Variants in TSGA10IP observed in about 807,000 individuals in gnomAD.
TSGA10IP encodes the protein testis specific 10 interacting protein.
A neutral mutation model predicts 63.2 loss-of-function variants in TSGA10IP; 64 were observed. The ratio of observed to expected loss-of-function variants is 1.01; its 90% CI spans 0.83 to 1.25. The LOEUF is 1.25. TSGA10IP is among the 50% of genes most tolerant of loss of function. The pLI, the probability that TSGA10IP is intolerant of heterozygous loss-of-function variation, is 0.00. For synonymous variants in TSGA10IP, 316 were observed against 298.3 expected (o/e 1.06, Z -0.61); for missense variants, 681 against 710.1 (o/e 0.96, Z 0.47).
chr11:65,949,686 A>G (rs988985725), intron 4 of TSGA10IP, among the ~76,000 whole-genome samples: 1 of 151,772 alleles, frequency 6.6e-6, no homozygotes, highest in Non-Finnish European at 1.5e-5. Flanking sequence ...AAGTGCTGGG[A>G]TTATAGGCAT....
rs1367145394 is a variant in TSGA10IP at position 65,948,041 on chromosome 11, C to T, written c.1044C>T (p.Phe348=). ...CCTGGAAGACTTTGAGGGCTGCCTTCCAGGCCTCCAAGCGGAATGGAAAGG... is the reference window on the plus strand; with the variant it reads ...CCTGGAAGACTTTGAGGGCTGCCTTTCAGGCCTCCAAGCGGAATGGAAAGG... The change falls in exon 4 of 8, where the codon TTC becomes TTT. Residue 348 remains phenylalanine (F), a synonymous_variant. Transcript: ENST00000532620. 3 of 1,570,564 alleles carry T rather than the reference C, an allele frequency of 1.9e-6. No homozygotes were observed. In the Admixed American group the frequency reaches 5.7e-5, roughly 30 times the overall value.
chr11:65,945,719 T>C (rs1310028486), exon 1 of TSGA10IP: 1 of 1,613,558 alleles, frequency 6.2e-7, no homozygotes, highest in Non-Finnish European at 8.5e-7. Flanking sequence ...CAACAGTTGG[T>C]TAGGACCCCG....
chr11:65,958,859 C>A (rs1469731767), intron 5 of TSGA10IP, 24 bp from the exon 6 acceptor site: 3 of 1,601,416 alleles, frequency 1.9e-6, no homozygotes, highest in Non-Finnish European at 2.6e-6. Context: ...TGGTTAGCTG[C>A]ACAAAGGCCT....
intron 1 of TSGA10IP, among the ~76,000 whole-genome samples, chr11:65,946,655 G>A (rs569136953): frequency 1.3e-5 from 2 of 152,246 alleles, no homozygotes; most frequent in East Asian, 1.9e-4. Context: ...GGCTGGTCTC[G>A]AACTCCTGGC....
At position 65,952,268 on chromosome 11, in the gene TSGA10IP, T is replaced by C. The variant is rs1854956008; in HGVS notation, c.1152-1299T>C. ...TTTGCAAATATTTTCTCCCATTCTG[T>C]ATGTCATCTCTGTTGATTGTTGCCA... On this transcript the variant is annotated intron_variant, in intron 4 of 7. Coordinates refer to ENST00000532620, the Ensembl canonical transcript of TSGA10IP. Among the ~76,000 whole-genome samples, 4 of 152,252 alleles carry C rather than the reference T, an allele frequency of 2.6e-5. No homozygotes were observed. The South Asian group carries it at 8.3e-4, about 31-fold the overall frequency.
At chr11:65,946,917 A>T in exon 2 of TSGA10IP, 2 of 1,613,916 alleles carry the variant, frequency 1.2e-6, no homozygotes, top group Non-Finnish European at 1.7e-6. Context: ...CCAAATCAAG[A>T]CCTGCAGCAG....
intron 6 of TSGA10IP, 28 bp downstream of exon 6, chr11:65,959,010 A>G: frequency 6.2e-7 from 1 of 1,607,158 alleles, no homozygotes; most frequent in Non-Finnish European, 8.5e-7. Flanking sequence ...GCAAGCACAT[A>G]GCTGCCCCCT....
chr11:65,948,102 GC>G lies in TSGA10IP; in HGVS notation c.1107del (p.Asn370ThrfsTer71). ...GGGATACGATGAAACTTTCGTGTCT[GC>G]CAACCTCCCTAATCGCACCTTCCAC... is the stretch of plus-strand genomic sequence containing the variant. On this transcript the variant is annotated frameshift_variant, in exon 4 of 8. Transcript: ENST00000532620. LOFTEE classifies it high-confidence loss of function. The G allele has an allele frequency of 6.3e-7, 1 of 1,599,332 alleles. No homozygotes were observed. Among genetic ancestry groups the G allele is most frequent in the Non-Finnish European group, 8.5e-7 (1 of 1,173,146 alleles).
In TSGA10IP at chr11:65,945,977, C is replaced by T; in HGVS notation, c.147+155C>T. On this transcript the variant is annotated intron_variant, in intron 1 of 7. Coordinates refer to ENST00000532620, the Ensembl canonical transcript of TSGA10IP. ...AGTGGGACAGGGACCACAGGGAGGC[C>T]TAAGGGCCTTGGGAGAAGCCGAGGG... 1.1e-5 allele frequency: 10 copies of T among 893,910 alleles called. 2 individuals are homozygous for T. The South Asian group carries it at 1.7e-4, about 15-fold the overall frequency. The allele number at this position is 893,910 out of a possible 1,614,324, so 55.4% of individuals were successfully genotyped here. A position where few individuals can be genotyped will look rare whatever the true frequency, so the allele number is the denominator to read the frequency against.
In TSGA10IP at chr11:65,945,831, G is replaced by A. The variant is rs1430280442; in HGVS notation, c.147+9G>A. On this transcript the variant is annotated intron_variant, in intron 1 of 7. Coordinates refer to ENST00000532620, the Ensembl canonical transcript of TSGA10IP. Reference sequence around the variant, plus strand: ...TCTCTCAGGACAAGCAGGTGAGGGAGGCCCAGTGAGGACACTTCCAGCTGC... The same window carrying A: ...TCTCTCAGGACAAGCAGGTGAGGGAAGCCCAGTGAGGACACTTCCAGCTGC... The A allele has an allele frequency of 1.9e-6, 3 of 1,613,012 alleles. No homozygotes were observed. The highest frequency in any genetic ancestry group is 1.7e-6 in the Non-Finnish European group (2 of 1,179,318).
rs199754474 is a variant in TSGA10IP, at chr11:65,948,133, G to A, written c.1136G>A (p.Arg379Gln). 1.8e-5 allele frequency: 29 copies of A among 1,603,720 alleles called. No homozygotes were observed. Among genetic ancestry groups the A allele is most frequent in the South Asian group, 3.4e-5 (3 of 88,800 alleles). ...CTCCCTAATCGCACCTTCCACAAACGACAGGAAGCCACCAGGTAAGAGGGA... is the reference window on the plus strand; with the variant it reads ...CTCCCTAATCGCACCTTCCACAAACAACAGGAAGCCACCAGGTAAGAGGGA... The change falls in exon 4 of 8, where the codon CGA (arginine) becomes CAA (glutamine). Residue 379 changes from arginine (R) to glutamine (Q), a missense_variant. Coordinates refer to ENST00000532620, the Ensembl canonical transcript of TSGA10IP.
At position 65,950,248 on chromosome 11, in the gene TSGA10IP, T is replaced by C. The variant is rs531958181; in HGVS notation, c.1151+2100T>C. Among the ~76,000 whole-genome samples, 65 of 152,214 alleles carry C rather than the reference T, an allele frequency of 4.3e-4. 1 individual carries two copies. Among genetic ancestry groups the C allele is most frequent in the Admixed American group, 3.8e-3 (58 of 15,268 alleles). On this transcript the variant is annotated intron_variant, in intron 4 of 7. Coordinates refer to ENST00000532620, the Ensembl canonical transcript of TSGA10IP. ...ATTGCTTTTAACTACAGACACCAGA[T>C]CATACAATAGATCTCTTGAACTTAT...
intron 5 of TSGA10IP, 92 bp downstream of exon 5, chr11:65,953,829 C>T (rs1213582881): frequency 2.7e-6 from 3 of 1,124,670 alleles, no homozygotes; most frequent in African/African-American, 3.3e-5. Flanking sequence ...CACCAGCCCT[C>T]GCCTTCCCTG....
In TSGA10IP at chr11:65,945,953, G is replaced by A. The variant is rs577039582; in HGVS notation, c.147+131G>A. The A allele has an allele frequency of 1.5e-5, 17 of 1,153,296 alleles. No individual in the cohort carries two copies. The African/African-American group carries it at 2.6e-4, about 18-fold the overall frequency. 71.4% of individuals were successfully genotyped at this position (1,153,296 alleles called of 1,614,324 possible). A position where few individuals can be genotyped will look rare whatever the true frequency, so the allele number is the denominator to read the frequency against. ...CCAGATGAAACTCAGGGAGGCAGGA[G>A]TGGGACAGGGACCACAGGGAGGCCT... On this transcript the variant is annotated intron_variant, in intron 1 of 7. Coordinates refer to ENST00000532620, the Ensembl canonical transcript of TSGA10IP.
intron 5 of TSGA10IP, among the ~76,000 whole-genome samples, chr11:65,954,550 T>C (rs902478099): frequency 2.0e-5 from 3 of 151,970 alleles, no homozygotes; most frequent in Admixed American, 2.0e-4. Flanking sequence ...CAGGGAGTAT[T>C]GCTGCTGGTG....
chr11:65,950,560 ATT>A (rs35025045), intron 4 of TSGA10IP, among the ~76,000 whole-genome samples: 2,486 of 142,050 alleles, frequency 0.018, 95 homozygotes, highest in East Asian at 0.16. Context: ...TGCCTGGCTA[ATT>A]TTTTTTTTTT....
At chr11:65,948,513 TAA>T in intron 4 of TSGA10IP, among the ~76,000 whole-genome samples, 1 of 152,310 alleles carries the variant, frequency 6.6e-6, no homozygotes, top group South Asian at 2.1e-4. Flanking sequence ...ATATAACTAT[TAA>T]AAGACTTGGA....
chr11:65,951,853 CTT>C lies in TSGA10IP; in HGVS notation c.1152-1701_1152-1700del, dbSNP rs879819961. 3.5e-3 allele frequency among the ~76,000 whole-genome samples: 483 copies of C among 138,792 alleles called. 4 individuals carry two copies. Among genetic ancestry groups the C allele is most frequent in the African/African-American group, 0.011 (427 of 38,048 alleles). 91.1% of individuals were successfully genotyped at this position (138,792 alleles called of 152,430 possible). A position where few individuals can be genotyped will look rare whatever the true frequency, so the allele number is the denominator to read the frequency against. On this transcript the variant is annotated intron_variant, in intron 4 of 7. Transcript: ENST00000532620. The stretch of plus-strand genomic sequence containing the variant: ...GAGTCACCATGCCCTGACTCTTTGC[CTT>C]TTTTTTTTTTTTGAGATGGAGCCTC...
intron 3 of TSGA10IP, 51 bp downstream of exon 3, chr11:65,947,879 AC>A: frequency 6.6e-7 from 1 of 1,513,762 alleles, no homozygotes; most frequent in Non-Finnish European, 8.9e-7. Flanking sequence ...ACCGCAGGGA[AC>A]AGGGAGCAGT....
Sources: gnomAD v4.1 joint callset for allele counts (sites outside exome capture counted in the v4.1 genomes callset) on GRCh38, gnomAD v4.1.1 for gene constraint, MANE v1.5 for transcripts, NCBI Gene and HGNC (gene_info 2026-07-23, HGNC 2026-07-21) for gene names.